BRINP2: variants seen among roughly 807,000 people sequenced by gnomAD.
BRINP2 encodes BMP/retinoic acid-inducible neural-specific protein 2.
A neutral mutation model predicts 69.2 loss-of-function variants in BRINP2; 21 were observed. That is an observed-to-expected ratio of 0.30 (90% CI 0.22 to 0.44). BRINP2 has a LOEUF of 0.44. Ranked by LOEUF, BRINP2 falls within the 20% of genes least tolerant of loss-of-function variation. BRINP2 has a pLI of 1.00. For synonymous variants in BRINP2, 380 were observed against 394.1 expected, an observed-to-expected ratio of 0.96 and a Z score of 0.42; for missense variants, 877 against 986.0, an observed-to-expected ratio of 0.89 and a Z score of 1.48.
chr1:177,191,437 CTT>C (rs1648592039), intron 1 of BRINP2, among the ~76,000 whole-genome samples: 1 of 151,998 alleles, frequency 6.6e-6, no homozygotes, highest in African/African-American at 2.4e-5. Context: ...CCTCCCTCCT[CTT>C]TTTTCTTTCA....
At chr1:177,195,941 G>A (rs2102299856) in intron 1 of BRINP2, among the ~76,000 whole-genome samples, 1 of 152,226 alleles carries the variant, frequency 6.6e-6, no homozygotes, top group African/African-American at 2.4e-5. Context: ...TCTCTGGGCT[G>A]TTGCCTCAAA....
intron 1 of BRINP2, among the ~76,000 whole-genome samples, chr1:177,180,690 T>G (rs1648219431): frequency 6.6e-6 from 1 of 152,134 alleles, no homozygotes. Flanking sequence ...CGCCACCTGT[T>G]TCTTCTCTTT....
chr1:177,182,111 CCCTCCCTGCCCCACCCCTCCCAT>C (rs1266665742), intron 1 of BRINP2, among the ~76,000 whole-genome samples: 56 of 132,852 alleles, frequency 4.2e-4, no homozygotes, highest in South Asian at 8.6e-4. Context: ...TGCCGTCCCT[CCCTCCCTGCCCCACCCCTCCCAT>C]CCTCCCTGCC....
At chr1:177,207,305 G>A (rs912645093) in intron 1 of BRINP2, among the ~76,000 whole-genome samples, 3 of 152,178 alleles carry the variant, frequency 2.0e-5, no homozygotes, top group African/African-American at 7.2e-5. Context: ...CAGGTAGACA[G>A]ATAGAAGGCA....
chr1:177,275,057 C>A (rs1316937637), intron 5 of BRINP2: 1 of 452,176 alleles, frequency 2.2e-6, no homozygotes, highest in Non-Finnish European at 4.5e-6. Context: ...CAGAAGTTCT[C>A]ATATTCCTCA....
Position 177,266,732 on chromosome 1 carries a change from C to T in BRINP2, c.670-6756C>T, listed in dbSNP as rs1195413159. Among the ~76,000 whole-genome samples the T allele has an allele frequency of 3.5e-5, 5 of 144,058 alleles. No individual in the cohort carries two copies. The East Asian group carries it at 1.0e-3, about 29-fold the overall frequency. The allele number at this position is 144,058 out of a possible 152,430, so 94.5% of individuals were successfully genotyped here. ...TCGAGATCACGCCACTGCACTCCAG[C>T]CTGGGGAACAGTGGGAGACTCACTC... On this transcript the variant is annotated intron_variant, in intron 4 of 7. Transcript: ENST00000361539.
rs1558180065 is a variant in BRINP2 at position 177,257,258 on chromosome 1, G to T, written c.543G>T (p.Gly181=). The stretch of plus-strand genomic sequence containing the variant: ...CAACAGGAGGTGCCTCTATAATCGG[G>T]GGCAGTGGGAACAGCACAGCTGTGT... The part of the protein sequence containing the change: ...TETTGGASII[G]GSGNSTAVSL... The change falls in exon 4 of 8, where the codon GGG becomes GGT. Residue 181 remains glycine (G), a synonymous_variant. Transcript: ENST00000361539. The T allele has an allele frequency of 3.1e-6, 5 of 1,613,958 alleles. No homozygotes were observed. Among genetic ancestry groups the T allele is most frequent in the Non-Finnish European group, 4.2e-6 (5 of 1,180,022 alleles).
chr1:177,215,364 T>G (rs926106822), intron 1 of BRINP2, among the ~76,000 whole-genome samples: 5 of 152,226 alleles, frequency 3.3e-5, no homozygotes. Flanking sequence ...TTTCACAACA[T>G]TTATTCTTTT....
At chr1:177,183,342 G>A (rs1365993975) in intron 1 of BRINP2, among the ~76,000 whole-genome samples, 1 of 151,992 alleles carries the variant, frequency 6.6e-6, no homozygotes, top group African/African-American at 2.4e-5. Context: ...TTATGCTTAG[G>A]AAAATTGGCT....
At chr1:177,211,643 G>A (rs1649225607) in intron 1 of BRINP2, among the ~76,000 whole-genome samples, 1 of 152,126 alleles carries the variant, frequency 6.6e-6, no homozygotes, top group Non-Finnish European at 1.5e-5. Context: ...TTTTTGGCAG[G>A]ACTATCACAG....
At chr1:177,176,669 G>A (rs1322900543) in intron 1 of BRINP2, among the ~76,000 whole-genome samples, 7 of 151,984 alleles carry the variant, frequency 4.6e-5, no homozygotes, top group African/African-American at 1.4e-4. Flanking sequence ...CATGGAGGGA[G>A]GGGTCAGGAG....
intron 5 of BRINP2, among the ~76,000 whole-genome samples, chr1:177,275,888 G>A (rs993017854): frequency 1.3e-5 from 2 of 152,198 alleles, no homozygotes; most frequent in African/African-American, 4.8e-5. Flanking sequence ...TCCCAGAAAT[G>A]CTGATGTGTA....
At chr1:177,176,512 C>CATT (rs3041971) in intron 1 of BRINP2, among the ~76,000 whole-genome samples, 7,599 of 143,046 alleles carry the variant, frequency 0.053, 238 homozygotes, top group East Asian at 0.1. Context: ...AAGTGGCTGG[C>CATT]ATTATTATTA....
chr1:177,187,966 G>T (rs1347944955), intron 1 of BRINP2, among the ~76,000 whole-genome samples: 1 of 152,092 alleles, frequency 6.6e-6, no homozygotes, highest in East Asian at 1.9e-4. Context: ...GTGTTACCTA[G>T]GGCCAAAGAT....
intron 2 of BRINP2, among the ~76,000 whole-genome samples, chr1:177,253,280 G>A (rs967214434): frequency 2.6e-5 from 4 of 151,934 alleles, no homozygotes; most frequent in African/African-American, 7.3e-5. Context: ...CATTTGATTT[G>A]TATTTCCCTG....
chr1:177,180,680 C>T (rs767062640), intron 1 of BRINP2, among the ~76,000 whole-genome samples: 2 of 152,052 alleles, frequency 1.3e-5, no homozygotes, highest in East Asian at 1.9e-4. Context: ...TCTGGAGCTC[C>T]GCCACCTGTT....
At chr1:177,197,261 G>C (rs952971955) in intron 1 of BRINP2, among the ~76,000 whole-genome samples, 2 of 152,136 alleles carry the variant, frequency 1.3e-5, no homozygotes, top group African/African-American at 4.8e-5. Flanking sequence ...GAGCCAGAGA[G>C]AGCAAAGTAG....
At chr1:177,268,335 C>G (rs1651193704) in intron 4 of BRINP2, among the ~76,000 whole-genome samples, 1 of 152,194 alleles carries the variant, frequency 6.6e-6, no homozygotes, top group African/African-American at 2.4e-5. Context: ...GCTACGACAC[C>G]TGCCACCTAC....
rs1651663317 is a variant in BRINP2, at chr1:177,280,609, G to T, written c.1433G>T (p.Gly478Val). ...HCAPDNSTRCGSCNPGYVLAQ... is the reference protein window; with the variant it reads ...HCAPDNSTRCVSCNPGYVLAQ... ...GCTCCAGACAATAGCACACGCTGTGGGAGCTGCAACCCGGGCTATGTGCTG... is the reference window on the plus strand; with the variant it reads ...GCTCCAGACAATAGCACACGCTGTGTGAGCTGCAACCCGGGCTATGTGCTG... The change falls in exon 8 of 8, where the codon GGG (glycine) becomes GTG (valine). Residue 478 changes from glycine to valine, a missense_variant. By Grantham distance (109) the Gly-to-Val change is moderately radical. Coordinates refer to ENST00000361539, the MANE Select transcript of BRINP2 (RefSeq NM_021165.4). 1 of 1,614,190 alleles carries T rather than the reference G, an allele frequency of 6.2e-7. No homozygotes were observed. Among genetic ancestry groups the T allele is most frequent in the Admixed American group, 1.7e-5 (1 of 60,036 alleles).
Sources: gnomAD v4.1 joint callset for allele counts (sites outside exome capture counted in the v4.1 genomes callset) on GRCh38, gnomAD v4.1.1 for gene constraint, MANE v1.5 for transcripts, NCBI Gene and HGNC (gene_info 2026-07-23, HGNC 2026-07-21) for gene names.